Variants in DENND2B observed in about 807,000 individuals in gnomAD.
DENND2B encodes the protein DENN domain containing 2B.
In DENND2B, 32 loss-of-function variants were observed where a neutral mutation model predicts 116.0. The observed-to-expected ratio is 0.28, with a 90% CI of 0.21 to 0.37. DENND2B has a LOEUF of 0.37. DENND2B is among the 10% of genes least tolerant of loss of function. The pLI is 1.00. For missense variants in DENND2B, 1,276 were observed against 1,477.7 expected (o/e 0.86, Z 2.24); for synonymous variants, 588 against 583.9 (o/e 1.01, Z -0.10).
chr11:8,840,629 C>T (rs920245460), intron 3 of DENND2B, among the ~76,000 whole-genome samples: 10 of 152,104 alleles, frequency 6.6e-5, no homozygotes, highest in African/African-American at 2.4e-4. Context: ...AATATCAGTC[C>T]CGGCCAAGAT....
intron 3 of DENND2B, among the ~76,000 whole-genome samples, chr11:8,852,631 T>C (rs1472792847): frequency 6.6e-6 from 1 of 152,242 alleles, no homozygotes; most frequent in African/African-American, 2.4e-5. Flanking sequence ...GTTATAACAA[T>C]GTATGCAAAC....
chr11:8,732,432 G>T (rs2048272404), intron 2 of DENND2B, among the ~76,000 whole-genome samples: 1 of 152,218 alleles, frequency 6.6e-6, no homozygotes, highest in Non-Finnish European at 1.5e-5. Context: ...CTGACTCTCT[G>T]AAGAGGAAGC....
intron 1 of DENND2B, among the ~76,000 whole-genome samples, chr11:8,772,128 TACACACAC>T (rs143227157): frequency 6.8e-6 from 1 of 147,160 alleles, no homozygotes; most frequent in Non-Finnish European, 1.5e-5. Context: ...ATGGAAGCTC[TACACACAC>T]ACACACACAC....
chr11:8,764,453 TG>T (rs2055252650), intron 1 of DENND2B, among the ~76,000 whole-genome samples: 1 of 152,242 alleles, frequency 6.6e-6, no homozygotes, highest in South Asian at 2.1e-4. Flanking sequence ...GTGAAATAGA[TG>T]CCATTATCTC....
chr11:8,741,562 C>T (rs74053135), intron 2 of DENND2B, among the ~76,000 whole-genome samples: 2,496 of 152,296 alleles, frequency 0.016, 72 homozygotes, highest in African/African-American at 0.057. Context: ...AGTTTTAAAA[C>T]GTGGTCCCCA....
intron 2 of DENND2B, among the ~76,000 whole-genome samples, chr11:8,736,366 GA>G (rs563446497): frequency 5.4e-5 from 8 of 147,564 alleles, no homozygotes; most frequent in South Asian, 2.1e-4. Context: ...TGTCTCAAAA[GA>G]AAAAAAAAAG....
At chr11:8,714,100 TC>T in intron 7 of DENND2B, 58 bp from the exon 8 acceptor site, 1 of 1,578,170 alleles carries the variant, frequency 6.3e-7, no homozygotes. Flanking sequence ...TGTTTTTTGC[TC>T]CCCCACCACC....
chr11:8,880,387 TTTTTA>T (rs2063891950), intron 2 of DENND2B, among the ~76,000 whole-genome samples: 2 of 89,208 alleles, frequency 2.2e-5, no homozygotes, highest in African/African-American at 7.6e-5. Flanking sequence ...GTGTGTGTAG[TTTTTA>T]CTACCAAATG....
rs542287056 is a variant in DENND2B at position 8,845,839 on chromosome 11, C to T, written c.-155-6489G>A. On this transcript the variant is annotated intron_variant, in intron 3 of 6. Transcript: ENST00000524757. ...AAATTAACATTAAATTATGTTTATT[C>T]GTGGATAATTACTGTTATATTTTAA... is the stretch of plus-strand genomic sequence containing the variant. 2.0e-5 allele frequency among the ~76,000 whole-genome samples: 3 copies of T among 152,222 alleles called. No individual in the cohort carries two copies. In the East Asian group the frequency reaches 5.8e-4, roughly 29 times the overall value.
rs1436389221 is a variant in DENND2B, at chr11:8,702,051, T to C, written c.2720+521A>G. Among the ~76,000 whole-genome samples the C allele has an allele frequency of 1.3e-5, 2 of 152,060 alleles. No individual in the cohort carries two copies. Among genetic ancestry groups the C allele is most frequent in the African/African-American group, 2.4e-5 (1 of 41,422 alleles). ...CACATCCTTCTCCCCAGCCCTCCCATTGCCCAGCCCTGGGCCACTGCAGTT... is the reference window on the plus strand; with the variant it reads ...CACATCCTTCTCCCCAGCCCTCCCACTGCCCAGCCCTGGGCCACTGCAGTT... On this transcript the variant is annotated intron_variant, in intron 14 of 19. Coordinates refer to ENST00000313726, the MANE Select transcript of DENND2B (RefSeq NM_213618.2). The surrounding 1 kb of genome is among the most constrained non-coding windows in gnomAD (Gnocchi z 4.6).
intron 2 of DENND2B, among the ~76,000 whole-genome samples, chr11:8,733,293 T>A (rs542079636): frequency 7.2e-5 from 11 of 152,270 alleles, no homozygotes; most frequent in African/African-American, 2.6e-4. Flanking sequence ...GAACCATAAA[T>A]ACAAAAGGTC....
intron 1 of DENND2B, among the ~76,000 whole-genome samples, chr11:8,796,534 C>G (rs1177412157): frequency 6.6e-6 from 1 of 151,990 alleles, no homozygotes; most frequent in Admixed American, 6.5e-5. Flanking sequence ...GAATCCATCT[C>G]GAAAAAGAAA....
chr11:8,711,864 T>C, intron 9 of DENND2B: 1 of 373,492 alleles, frequency 2.7e-6, no homozygotes, highest in Admixed American at 3.2e-5. Context: ...CGAAACTCCG[T>C]CTCGAATAAA....
At chr11:8,767,139 T>C (rs1400799861) in intron 1 of DENND2B, among the ~76,000 whole-genome samples, 1 of 151,668 alleles carries the variant, frequency 6.6e-6, no homozygotes, top group Non-Finnish European at 1.5e-5. Context: ...GCGTGGGAGG[T>C]GGTATTCTGT....
intron 11 of DENND2B, chr11:8,708,228 G>C: frequency 1.6e-6 from 2 of 1,223,622 alleles, no homozygotes; most frequent in Non-Finnish European, 2.1e-6. Flanking sequence ...GAAGGACTAG[G>C]GTACATCCTT....
At chr11:8,891,351 G>C (rs984989511) in intron 1 of DENND2B, among the ~76,000 whole-genome samples, 1 of 152,172 alleles carries the variant, frequency 6.6e-6, no homozygotes. Flanking sequence ...AAAATAACCA[G>C]CTAACATCAT....
chr11:8,836,413 C>CTTTTTTTTTTTTTTTTTTTTTTTTTTTT, intron 4 of DENND2B, among the ~76,000 whole-genome samples: 1 of 77,550 alleles, frequency 1.3e-5, no homozygotes, highest in African/African-American at 4.3e-5. Flanking sequence ...TTCTGTACTT[C>CTTTTTTTTTTTTTTTTTTTTTTTTTTTT]TTTTTTTTTT....
At chr11:8,780,345 G>A (rs1032715353) in intron 1 of DENND2B, among the ~76,000 whole-genome samples, 3 of 152,186 alleles carry the variant, frequency 2.0e-5, no homozygotes, top group African/African-American at 7.2e-5. Flanking sequence ...TGCCACTAGA[G>A]AGATGCCATT....
At chr11:8,743,293 T>C (rs1324777250) in intron 2 of DENND2B, among the ~76,000 whole-genome samples, 3 of 152,198 alleles carry the variant, frequency 2.0e-5, no homozygotes, top group East Asian at 1.9e-4. Flanking sequence ...CTCATGCCTA[T>C]AATTCCAGCA....
Sources: gnomAD v4.1 joint callset for allele counts (sites outside exome capture counted in the v4.1 genomes callset) on GRCh38, gnomAD v4.1.1 for gene constraint, Gnocchi (gnomAD v3.1) non-coding constraint, MANE v1.5 for transcripts, NCBI Gene and HGNC (gene_info 2026-07-23, HGNC 2026-07-21) for gene names.